ZNF710: variants seen among roughly 807,000 people sequenced by gnomAD.
ZNF710 encodes zinc finger protein 710.
Under a neutral mutation model 50.6 loss-of-function variants are expected in ZNF710, and 13 were observed. The observed-to-expected ratio is 0.26, with a 90% confidence interval of 0.17 to 0.41. ZNF710 has a LOEUF of 0.41. ZNF710 is among the 10% of genes least tolerant of loss of function. The pLI is 1.00. For synonymous variants in ZNF710, 383 were observed against 397.0 expected, an observed-to-expected ratio of 0.96 and a Z score of 0.42; for missense variants, 721 against 936.6, an observed-to-expected ratio of 0.77 and a Z score of 3.01.
chr15:90,060,029 C>T (rs1032789972), intron 1 of ZNF710, among the ~76,000 whole-genome samples: 1 of 152,144 alleles, frequency 6.6e-6, no homozygotes, highest in African/African-American at 2.4e-5. Context: ...TCAGGAGCCC[C>T]CTCCCCGCTC....
At position 90,067,378 on chromosome 15, in the gene ZNF710, G is replaced by A. The variant is rs1331397335; in HGVS notation, c.241G>A (p.Glu81Lys). 7 of 1,597,142 alleles carry A rather than the reference G, an allele frequency of 4.4e-6. No homozygotes were observed. The highest frequency in any genetic ancestry group is 6.0e-6 in the Non-Finnish European group (7 of 1,171,672). Residue 81 changes from glutamate (E) to lysine (K), a missense_variant, in exon 2 of 5, where the codon GAG becomes AAG. Physicochemically the swap from Glu to Lys is moderately conservative, Grantham distance 56. Transcript: ENST00000268154. The surrounding 1 kb of genome is among the most constrained non-coding windows in gnomAD (Gnocchi z 8.1). ...CGGGAGGGCCTTGGAGGAGCCGGCGGAGGAGGAGGTGCTGGAGGTGGAGGC... is the reference window on the plus strand; with the variant it reads ...CGGGAGGGCCTTGGAGGAGCCGGCGAAGGAGGAGGTGCTGGAGGTGGAGGC... Reference protein sequence around the residue: ...CNGRALEEPAEEEVLEVEAAC... With the variant: ...CNGRALEEPAKEEVLEVEAAC...
chr15:90,063,457 G>A (rs1301621312), intron 1 of ZNF710, among the ~76,000 whole-genome samples: 2 of 152,026 alleles, frequency 1.3e-5, no homozygotes, highest in Non-Finnish European at 2.9e-5. Context: ...CTTCCGTGGT[G>A]TTTGTCGTCA....
intron 1 of ZNF710, among the ~76,000 whole-genome samples, chr15:90,012,736 A>G (rs1898347454): frequency 6.6e-6 from 1 of 152,146 alleles, no homozygotes; most frequent in Non-Finnish European, 1.5e-5. Context: ...TTTAATATCA[A>G]TATTAACTCA....
chr15:90,014,581 A>G (rs550227952), intron 1 of ZNF710, among the ~76,000 whole-genome samples: 1 of 152,190 alleles, frequency 6.6e-6, no homozygotes, highest in African/African-American at 2.4e-5. Flanking sequence ...GCCATCTAAA[A>G]AACGAACACA....
intron 1 of ZNF710, among the ~76,000 whole-genome samples, chr15:90,063,297 A>G (rs1900067940): frequency 6.6e-6 from 1 of 151,996 alleles, no homozygotes; most frequent in African/African-American, 2.4e-5. Flanking sequence ...CCCTTCATTG[A>G]TGGGGCACTT....
chr15:90,045,583 G>T (rs1303366421), intron 1 of ZNF710, among the ~76,000 whole-genome samples: 1 of 152,126 alleles, frequency 6.6e-6, no homozygotes, highest in Non-Finnish European at 1.5e-5. Flanking sequence ...TGTGAGCTCA[G>T]AGAGGGTTGT....
intron 3 of ZNF710, 110 bp from the exon 4 acceptor site, chr15:90,074,006 A>AAC: frequency 4.0e-6 from 5 of 1,235,988 alleles, no homozygotes; most frequent in South Asian, 3.3e-5. Context: ...AAAACAAAAA[A>AAC]AAAAAACAAA....
intron 1 of ZNF710, among the ~76,000 whole-genome samples, chr15:90,010,691 T>C (rs1456341155): frequency 5.9e-5 from 9 of 151,728 alleles, no homozygotes; most frequent in Non-Finnish European, 1.0e-4. Flanking sequence ...GATTGAAAGA[T>C]TTTTTTCTTT....
rs1025149501 is a variant in ZNF710, at chr15:90,059,259, G to T, written c.-28-7851G>T. On this transcript the variant is annotated intron_variant, in intron 1 of 4. Coordinates refer to ENST00000268154, the MANE Select transcript of ZNF710 (RefSeq NM_198526.4). This position sits in a 1 kb window ranked among gnomAD's most constrained non-coding sequence, Gnocchi z 4.1. ...CAAGGTAGGAAACATCGGTGAGTTG[G>T]GGGCAGAGGGGCAGTGGAGCCTGCC... 6.6e-6 allele frequency among the ~76,000 whole-genome samples: 1 copy of T among 152,214 alleles called. No individual in the cohort carries two copies. The highest frequency in any genetic ancestry group is 2.4e-5 in the African/African-American group (1 of 41,448).
Position 90,082,139 on chromosome 15 carries a change from G to GTT in ZNF710, c.*2312_*2313dup, listed in dbSNP as rs940276982. ...AGCCCTACTGTGTTTTTATGTTCCT[G>GTT]TTTAAAAGAGAAGTTTACTTAGCAA... On this transcript the variant is annotated 3_prime_UTR_variant, in exon 5 of 5. Transcript: ENST00000268154. 39 of 152,322 alleles carry GTT rather than the reference G, an allele frequency of 2.6e-4. No homozygotes were observed. The highest frequency in any genetic ancestry group is 9.1e-4 in the African/African-American group (38 of 41,562). The allele number at this position is 152,322 out of a possible 1,614,324, so 9.4% of individuals were successfully genotyped here. A position where few individuals can be genotyped will look rare whatever the true frequency, so the allele number is the denominator to read the frequency against.
At chr15:90,044,402 C>T (rs1899395677) in intron 1 of ZNF710, among the ~76,000 whole-genome samples, 1 of 152,122 alleles carries the variant, frequency 6.6e-6, no homozygotes, top group Admixed American at 6.5e-5. Flanking sequence ...AGGTGGCGTC[C>T]GTGTGAACAT....
At chr15:90,017,878 T>G (rs1421070544) in intron 1 of ZNF710, among the ~76,000 whole-genome samples, 2 of 152,134 alleles carry the variant, frequency 1.3e-5, no homozygotes, top group Non-Finnish European at 2.9e-5. Flanking sequence ...TTGAGACACC[T>G]CCCCACTGCT....
chr15:90,068,673 A>T lies in ZNF710; in HGVS notation c.1458+78A>T. 6.8e-7 allele frequency: 1 copy of T among 1,475,978 alleles called. No homozygotes were observed. Among genetic ancestry groups the T allele is most frequent in the Non-Finnish European group, 9.1e-7 (1 of 1,103,918 alleles). 91.4% of individuals were successfully genotyped at this position (1,475,978 alleles called of 1,614,324 possible). On this transcript the variant is annotated intron_variant, in intron 2 of 4. Coordinates refer to ENST00000268154, the MANE Select transcript of ZNF710 (RefSeq NM_198526.4). This position sits in a 1 kb window ranked among gnomAD's most constrained non-coding sequence, Gnocchi z 5.0. ...CATCCAGTACTTTCCAAAGTCCCAG[A>T]TGGGACCATTTAGGTGGTCTCCTAG...
chr15:90,010,786 T>C (rs181762350), intron 1 of ZNF710, among the ~76,000 whole-genome samples: 4 of 152,308 alleles, frequency 2.6e-5, no homozygotes, highest in Non-Finnish European at 5.9e-5. Context: ...GATCTTGCTG[T>C]GTCACCCAGG....
Position 90,056,176 on chromosome 15 carries a change from G to A in ZNF710, c.-28-10934G>A, listed in dbSNP as rs188160564. On this transcript the variant is annotated intron_variant, in intron 1 of 4. Transcript: ENST00000268154. ...TGTAATCCCAGCACTTTGGGAGGCCGAGGCGGGTGGATCACCTGAGGTCGG... is the reference window on the plus strand; with the variant it reads ...TGTAATCCCAGCACTTTGGGAGGCCAAGGCGGGTGGATCACCTGAGGTCGG... Among the ~76,000 whole-genome samples, 1,231 of 151,780 alleles carry A rather than the reference G, an allele frequency of 8.1e-3. 7 individuals are homozygous for A. The highest frequency in any genetic ancestry group is 8.1e-3 in the Admixed American group (123 of 15,210).
Position 90,007,257 on chromosome 15 carries a change from A to G in ZNF710, c.-29+5643A>G, listed in dbSNP as rs190794253. Reference sequence around the variant, plus strand: ...GTGTAACGTTTCTGCCAAAAGCGGAACCTAAAACGGGGAGAGAGAGGCACC... The same window carrying G: ...GTGTAACGTTTCTGCCAAAAGCGGAGCCTAAAACGGGGAGAGAGAGGCACC... On this transcript the variant is annotated intron_variant, in intron 1 of 4. Transcript: ENST00000268154. Among the ~76,000 whole-genome samples the G allele has an allele frequency of 3.0e-3, 464 of 152,226 alleles. 3 individuals are homozygous for G. Among genetic ancestry groups the G allele is most frequent in the African/African-American group, 0.011 (452 of 41,544 alleles).
At chr15:90,074,410 G>T (rs1159452868) in intron 4 of ZNF710, 120 bp downstream of exon 4, 4 of 1,555,008 alleles carry the variant, frequency 2.6e-6, no homozygotes, top group Non-Finnish European at 3.5e-6. Context: ...GTTGGGGTGG[G>T]CTCAGGTCTG....
chr15:90,063,689 C>T (rs746401757), intron 1 of ZNF710, among the ~76,000 whole-genome samples: 8 of 152,132 alleles, frequency 5.3e-5, no homozygotes, highest in East Asian at 3.9e-4. Context: ...CCGGTGTGGA[C>T]GGTCAGCTCC....
rs1427793664 is a variant in ZNF710 at position 90,047,583 on chromosome 15, CTTTTTTCTTTT to C, written c.-28-19520_-28-19510del. On this transcript the variant is annotated intron_variant, in intron 1 of 4. Coordinates refer to ENST00000268154, the MANE Select transcript of ZNF710 (RefSeq NM_198526.4). ...TGCTATACAAGTTTCTTTTCTTTTT[CTTTTTTCTTTT>C]TTTTTTTTTGAGACAGAGTCTTGCT... Among the ~76,000 whole-genome samples the C allele has an allele frequency of 1.2e-4, 14 of 114,238 alleles. No individual in the cohort carries two copies. In the Middle Eastern group the frequency reaches 0.012, roughly 95 times the overall value. The allele number at this position is 114,238 out of a possible 152,430, so 74.9% of individuals were successfully genotyped here.
Sources: allele counts gnomAD v4.1 joint callset (sites outside exome capture counted in the v4.1 genomes callset), GRCh38; gene constraint gnomAD v4.1.1; non-coding constraint Gnocchi (gnomAD v3.1); transcripts MANE v1.5; gene names NCBI Gene and HGNC (gene_info 2026-07-23, HGNC 2026-07-21).